MAST2: variants seen among roughly 807,000 people sequenced by gnomAD.
MAST2 encodes microtubule-associated serine/threonine-protein kinase 2.
A neutral mutation model predicts 147.4 loss-of-function variants in MAST2; 70 were observed. The ratio of observed to expected loss-of-function variants is 0.47; its 90% CI spans 0.39 to 0.58. The LOEUF is 0.58. Ranked by LOEUF, MAST2 falls within the 20% of genes least tolerant of loss-of-function variation. The pLI is 0.00. For missense variants in MAST2, 2,080 were observed against 2,302.3 expected, an observed-to-expected ratio of 0.90 and a Z score of 1.98; for synonymous variants, 869 against 896.8, an observed-to-expected ratio of 0.97 and a Z score of 0.55.
Position 45,848,200 on chromosome 1 carries a change from G to A in MAST2, c.468+18619G>A, listed in dbSNP as rs1645503898. 3.3e-5 allele frequency among the ~76,000 whole-genome samples: 5 copies of A among 152,150 alleles called. No homozygotes were observed. In the South Asian group the frequency reaches 1.0e-3, roughly 32 times the overall value. ...TAGTGTACAATAAACCATTAATATA[G>A]CAGTCCTGAGACTACTATCCTTAGA... is the stretch of plus-strand genomic sequence containing the variant. On this transcript the variant is annotated intron_variant, in intron 3 of 28. Transcript: ENST00000361297.
chr1:45,829,425 C>A lies in MAST2; in HGVS notation c.326-14C>A, dbSNP rs1644886872. The A allele has an allele frequency of 6.2e-7, 1 of 1,601,076 alleles. No homozygotes were observed. Among genetic ancestry groups the A allele is most frequent in the Non-Finnish European group, 8.5e-7 (1 of 1,173,960 alleles). Reference sequence around the variant, plus strand: ...AATAATTACATGTATATTTTCCAAACCTTGTATTTGAAGGTAAGCAGCTGC... The same window carrying A: ...AATAATTACATGTATATTTTCCAAAACTTGTATTTGAAGGTAAGCAGCTGC... On this transcript the variant is annotated splice_polypyrimidine_tract_variant and intron_variant, in intron 2 of 28. Coordinates refer to ENST00000361297, the MANE Select transcript of MAST2 (RefSeq NM_015112.3).
chr1:46,008,192 A>G, intron 8 of MAST2, 104 bp from the exon 9 acceptor site: 1 of 715,334 alleles, frequency 1.4e-6, no homozygotes, highest in Non-Finnish European at 2.5e-6. Flanking sequence ...GGGAGTATGT[A>G]GCTGCTGAAG....
chr1:45,955,810 A>G (rs917076363), intron 4 of MAST2, among the ~76,000 whole-genome samples: 3 of 152,248 alleles, frequency 2.0e-5, no homozygotes, highest in Non-Finnish European at 2.9e-5. Flanking sequence ...CTTGTAGGCC[A>G]TCATCAGAAC....
intron 4 of MAST2, among the ~76,000 whole-genome samples, chr1:45,890,459 G>T (rs966144469): frequency 2.0e-5 from 3 of 152,102 alleles, no homozygotes; most frequent in African/African-American, 7.2e-5. Context: ...GCCTTTATGT[G>T]GTACACCAGC....
chr1:46,032,080 C>A (rs538375532), intron 24 of MAST2, 98 bp from the exon 25 acceptor site: 5 of 931,356 alleles, frequency 5.4e-6, no homozygotes, highest in South Asian at 4.3e-5. Flanking sequence ...TAGGCTCAGG[C>A]TCTGTCTGTG....
chr1:45,990,468 TTTGGGGG>T (rs1208024596), intron 5 of MAST2, among the ~76,000 whole-genome samples: 1 of 152,164 alleles, frequency 6.6e-6, no homozygotes, highest in Non-Finnish European at 1.5e-5. Context: ...TTTGTTTTGT[TTTGGGGG>T]TTGGGGGTTG....
chr1:45,860,479 T>C (rs777219020), intron 3 of MAST2, among the ~76,000 whole-genome samples: 54 of 152,176 alleles, frequency 3.5e-4, no homozygotes, highest in Non-Finnish European at 3.2e-4. Flanking sequence ...TCCTGGCTGC[T>C]GTTTACCAAC....
Position 45,917,528 on chromosome 1 carries a change from G to T in MAST2, c.500+35133G>T, listed in dbSNP as rs926538061. 3 of 1,366,414 alleles carry T rather than the reference G, an allele frequency of 2.2e-6. No homozygotes were observed. In the Admixed American group the frequency reaches 5.7e-5, roughly 26 times the overall value. 84.6% of individuals were successfully genotyped at this position (1,366,414 alleles called of 1,614,324 possible). A position where few individuals can be genotyped will look rare whatever the true frequency, so the allele number is the denominator to read the frequency against. On this transcript the variant is annotated intron_variant, in intron 4 of 28. Coordinates refer to ENST00000361297, the MANE Select transcript of MAST2 (RefSeq NM_015112.3). ...CTCCTTGTTCCAGCCGCCCACTGCC[G>T]TGGAGGTAAGGAAACTTGCTGTGAA...
intron 16 of MAST2, 97 bp from the exon 17 acceptor site, chr1:46,027,634 C>G: frequency 7.5e-7 from 1 of 1,330,224 alleles, no homozygotes; most frequent in East Asian, 2.4e-5. Flanking sequence ...CACAGTACCC[C>G]CATGGAAGCC....
Position 46,023,787 on chromosome 1 carries a change from G to A in MAST2, c.1587G>A (p.Val529=). The change falls in exon 15 of 29, where the codon GTG becomes GTA. Residue 529 remains valine, a synonymous_variant. Coordinates refer to ENST00000361297, the MANE Select transcript of MAST2 (RefSeq NM_015112.3). This position sits in a 1 kb window ranked among gnomAD's most constrained non-coding sequence, Gnocchi z 4.9. ...SNGAYGAVFL[V]RHKSTRQRFA... is the part of the protein sequence containing the mutation. The stretch of plus-strand genomic sequence containing the variant: ...TGTTTCCCAGGGCTGTATTTCTGGT[G>A]CGGCACAAGTCCACCCGGCAGCGCT... 6.2e-7 allele frequency: 1 copy of A among 1,614,000 alleles called. No homozygotes were observed. Among genetic ancestry groups the A allele is most frequent in the African/African-American group, 1.3e-5 (1 of 75,010 alleles).
intron 5 of MAST2, among the ~76,000 whole-genome samples, chr1:45,965,848 G>A (rs1426558782): frequency 5.3e-5 from 8 of 151,962 alleles, no homozygotes; most frequent in Non-Finnish European, 7.4e-5. Context: ...CCCTACCAGA[G>A]TGCTACATTT....
At chr1:45,929,197 G>T (rs1654887351) in intron 4 of MAST2, among the ~76,000 whole-genome samples, 1 of 152,094 alleles carries the variant, frequency 6.6e-6, no homozygotes, top group South Asian at 2.1e-4. Flanking sequence ...TTACACAAAA[G>T]AATTTTCTCC....
chr1:45,807,167 T>C (rs1424642663), intron 1 of MAST2, among the ~76,000 whole-genome samples: 1 of 152,252 alleles, frequency 6.6e-6, no homozygotes, highest in Non-Finnish European at 1.5e-5. Context: ...CACTGTTGAC[T>C]GTGTGTTCCT....
intron 6 of MAST2, among the ~76,000 whole-genome samples, chr1:45,998,624 C>G (rs569812841): frequency 6.6e-6 from 1 of 152,094 alleles, no homozygotes; most frequent in East Asian, 1.9e-4. Flanking sequence ...TAGAGTTAGT[C>G]CCTGGTATAA....
intron 3 of MAST2, among the ~76,000 whole-genome samples, chr1:45,864,133 G>C (rs1231005855): frequency 6.6e-6 from 1 of 152,188 alleles, no homozygotes; most frequent in Non-Finnish European, 1.5e-5. Context: ...CTTTAAACTT[G>C]GCTGAAGTTC....
chr1:45,916,253 T>C (rs868689404), intron 4 of MAST2, among the ~76,000 whole-genome samples: 22 of 152,238 alleles, frequency 1.4e-4, no homozygotes, highest in African/African-American at 4.6e-4. Flanking sequence ...AACAATGTTA[T>C]CATTTTGAAT....
At chr1:45,857,537 G>A (rs1645829161) in intron 3 of MAST2, among the ~76,000 whole-genome samples, 1 of 152,172 alleles carries the variant, frequency 6.6e-6, no homozygotes, top group Admixed American at 6.5e-5. Flanking sequence ...GCTGGATGGG[G>A]CACCACTGTG....
intron 4 of MAST2, among the ~76,000 whole-genome samples, chr1:45,884,421 G>C (rs903898350): frequency 6.6e-6 from 1 of 152,106 alleles, no homozygotes; most frequent in East Asian, 1.9e-4. Context: ...GCGTCATGGC[G>C]TGCGCCTGTA....
At chr1:46,022,622 C>G (rs1449344099) in intron 12 of MAST2, among the ~76,000 whole-genome samples, 3 of 152,196 alleles carry the variant, frequency 2.0e-5, no homozygotes, top group African/African-American at 7.2e-5. Flanking sequence ...ACTAGTAACC[C>G]AGTTTCAGGC....
Sources: gnomAD v4.1 joint callset for allele counts (sites outside exome capture counted in the v4.1 genomes callset) on GRCh38, gnomAD v4.1.1 for gene constraint, Gnocchi (gnomAD v3.1) non-coding constraint, MANE v1.5 for transcripts, NCBI Gene and HGNC (gene_info 2026-07-23, HGNC 2026-07-21) for gene names.